The following ABCA4 variants were observed in gnomAD, a reference collection of about 807,000 sequenced individuals.
ABCA4 encodes ATP binding cassette subfamily A member 4, also known as retinal-specific phospholipid-transporting ATPase ABCA4.
Under a neutral mutation model 263.7 loss-of-function variants are expected in ABCA4, and 196 were observed. That is an observed-to-expected ratio of 0.74 (90% CI 0.66 to 0.84). The LOEUF (loss-of-function observed/expected upper bound fraction) is 0.84, where lower values mean the gene tolerates loss of function less well. ABCA4 is among the 40% of genes least tolerant of loss of function. ABCA4 has a pLI of 0.00. For missense variants in ABCA4, 2,792 were observed against 2,855.1 expected, an observed-to-expected ratio of 0.98 and a Z score of 0.50; for synonymous variants, 1,133 against 1,094.2, an observed-to-expected ratio of 1.04 and a Z score of -0.70.
At chr1:94,071,902 G>C (rs575115426) in intron 11 of ABCA4, among the ~76,000 whole-genome samples, 3 of 152,064 alleles carry the variant, frequency 2.0e-5, no homozygotes, top group Non-Finnish European at 4.4e-5. Context: ...TCTTTCTCAC[G>C]ATCCCCTGAT....
intron 11 of ABCA4, among the ~76,000 whole-genome samples, chr1:94,067,392 C>CT (rs1661296483): frequency 1.3e-5 from 2 of 152,182 alleles, no homozygotes; most frequent in African/African-American, 4.8e-5. Context: ...GGGCTCCATC[C>CT]TGGCTGGTTT....
intron 44 of ABCA4, among the ~76,000 whole-genome samples, chr1:94,002,724 A>T (rs1353898031): frequency 6.6e-6 from 1 of 152,118 alleles, no homozygotes. Flanking sequence ...TTCTTCATTC[A>T]GGTTCTCTCC....
chr1:94,030,415 C>A lies in ABCA4; in HGVS notation c.4352+13G>T. 6.2e-7 allele frequency: 1 copy of A among 1,613,492 alleles called. No homozygotes were observed. Among genetic ancestry groups the A allele is most frequent in the Middle Eastern group, 1.7e-4 (1 of 6,052 alleles). On this transcript the variant is annotated intron_variant, in intron 29 of 49. Transcript: ENST00000370225. ...AGCTAGTCTTCTTAGGACAGGGGCG[C>A]GTAGGCACTTACGGAAGCCACCCTT... is the stretch of plus-strand genomic sequence containing the variant.
chr1:93,997,244 A>G (rs1270235512), intron 48 of ABCA4, among the ~76,000 whole-genome samples: 1 of 152,130 alleles, frequency 6.6e-6, no homozygotes, highest in East Asian at 1.9e-4. Context: ...TGTACATTTA[A>G]AATAGGTGTT....
intron 14 of ABCA4, among the ~76,000 whole-genome samples, chr1:94,058,918 C>T (rs1043965837): frequency 6.6e-6 from 1 of 152,072 alleles, no homozygotes; most frequent in Non-Finnish European, 1.5e-5. Flanking sequence ...GAGGAAGAGA[C>T]AAGGGAAAGG....
chr1:94,056,571 G>A (rs766758982), intron 15 of ABCA4, 30 bp downstream of exon 15: 65 of 1,604,460 alleles, frequency 4.1e-5, no homozygotes, highest in Non-Finnish European at 4.9e-5. Flanking sequence ...GAAACGTGTT[G>A]TAGGACAGGG....
chr1:94,021,416 G>A lies in ABCA4; in HGVS notation c.4849-7C>T, dbSNP rs1196200347. Reference sequence around the variant, plus strand: ...CTTTGTTATTAAACCACACCTAGAGGGTGGAGAGGACATCTGAGACGCTGC... The same window carrying A: ...CTTTGTTATTAAACCACACCTAGAGAGTGGAGAGGACATCTGAGACGCTGC... On this transcript the variant is annotated splice_polypyrimidine_tract_variant and splice_region_variant and intron_variant, in intron 34 of 49. Transcript: ENST00000370225. 3 of 1,614,154 alleles carry A rather than the reference G, an allele frequency of 1.9e-6. No individual in the cohort carries two copies. The highest frequency in any genetic ancestry group is 1.1e-5 in the South Asian group (1 of 91,080).
Position 94,048,884 on chromosome 1 carries a change from G to A in ABCA4, c.2727C>T (p.His909=). The A allele has an allele frequency of 1.2e-6, 2 of 1,614,038 alleles. No individual in the cohort carries two copies. Among genetic ancestry groups the A allele is most frequent in the Non-Finnish European group, 1.7e-6 (2 of 1,179,992 alleles). ...PLTEETEDPE[H]PEGIHDSFFE... ...GGGTTTTACCGTGTATTCCTTCTGG[G>A]TGCTCTGGATCCTCCGTTTCCTCTG... The change falls in exon 18 of 50, where the codon CAC becomes CAT. Residue 909 remains histidine, a synonymous_variant. Transcript: ENST00000370225.
chr1:94,103,170 G>C (rs1446521596), intron 4 of ABCA4, 28 bp from the exon 5 acceptor site: 2 of 1,612,698 alleles, frequency 1.2e-6, no homozygotes, highest in East Asian at 4.5e-5. Context: ...AAAGAACAGG[G>C]TGTTGAAGGG....
At chr1:94,062,142 G>A (rs1570392557) in intron 13 of ABCA4, among the ~76,000 whole-genome samples, 1 of 152,096 alleles carries the variant, frequency 6.6e-6, no homozygotes, top group East Asian at 1.9e-4. Context: ...TGTTAGTTAG[G>A]GAAGGGGCTG....
chr1:94,085,697 G>A (rs981999530), intron 6 of ABCA4, among the ~76,000 whole-genome samples: 1 of 152,118 alleles, frequency 6.6e-6, no homozygotes, highest in Non-Finnish European at 1.5e-5. Flanking sequence ...TGACACACAT[G>A]ACCTCTGTGA....
intron 47 of ABCA4, among the ~76,000 whole-genome samples, chr1:93,998,573 T>C (rs1407482595): frequency 1.3e-5 from 2 of 152,068 alleles, no homozygotes; most frequent in Non-Finnish European, 2.9e-5. Context: ...CCTGTGTACA[T>C]ACTGAAAACT....
In ABCA4 at chr1:94,063,032, G is replaced by A; in HGVS notation, c.1760+80C>T. 5.2e-6 allele frequency: 7 copies of A among 1,354,574 alleles called. No homozygotes were observed. In the South Asian group the frequency reaches 5.9e-5, roughly 11 times the overall value. 83.9% of individuals were successfully genotyped at this position (1,354,574 alleles called of 1,614,324 possible). A position where few individuals can be genotyped will look rare whatever the true frequency, so the allele number is the denominator to read the frequency against. ...TTAATTTTATTGATTTATGAGTCCA[G>A]TCTCAATCCCTTTCTCTCTACCAAA... is the stretch of plus-strand genomic sequence containing the variant. On this transcript the variant is annotated intron_variant, in intron 12 of 49. Coordinates refer to ENST00000370225, the MANE Select transcript of ABCA4 (RefSeq NM_000350.3).
chr1:94,023,136 G>A (rs1571259265), intron 32 of ABCA4, among the ~76,000 whole-genome samples: 2 of 152,170 alleles, frequency 1.3e-5, no homozygotes, highest in Non-Finnish European at 1.5e-5. Flanking sequence ...TTTTTTGGGT[G>A]AGAATGCTCT....
intron 26 of ABCA4, among the ~76,000 whole-genome samples, chr1:94,036,319 G>A (rs1380633027): frequency 3.3e-5 from 5 of 150,620 alleles, no homozygotes; most frequent in African/African-American, 1.2e-4. Flanking sequence ...CTACTACTGG[G>A]GAGTCAGATA....
rs190802213 is a variant in ABCA4 at position 94,003,292 on chromosome 1, G to A, written c.6148-1300C>T. On this transcript the variant is annotated intron_variant, in intron 44 of 49. Coordinates refer to ENST00000370225, the MANE Select transcript of ABCA4 (RefSeq NM_000350.3). ...GCCTGTTTAGCCTCCTGCGATCAGAGATATTTCCATAGCTCTTTCTTTGTC... is the reference window on the plus strand; with the variant it reads ...GCCTGTTTAGCCTCCTGCGATCAGAAATATTTCCATAGCTCTTTCTTTGTC... Among the ~76,000 whole-genome samples, 4 of 151,098 alleles carry A rather than the reference G, an allele frequency of 2.6e-5. No homozygotes were observed. The East Asian group carries it at 7.8e-4, about 29-fold the overall frequency.
chr1:94,019,826 C>A, intron 35 of ABCA4, 67 bp from the exon 36 acceptor site: 2 of 1,547,606 alleles, frequency 1.3e-6, no homozygotes, highest in South Asian at 2.4e-5. Context: ...GGAGAAGATA[C>A]AAAGTCAGGC....
intron 3 of ABCA4, among the ~76,000 whole-genome samples, chr1:94,110,624 C>T (rs1177434564): frequency 6.6e-6 from 1 of 152,178 alleles, no homozygotes; most frequent in African/African-American, 2.4e-5. Flanking sequence ...GCCTCTGTCT[C>T]TAGAATATGC....
intron 43 of ABCA4, among the ~76,000 whole-genome samples, chr1:94,007,298 G>T (rs1165716094): frequency 6.9e-6 from 1 of 145,376 alleles, no homozygotes. Flanking sequence ...GGGAAGCAAT[G>T]GTGCATTTTT....
Sources: allele counts gnomAD v4.1 joint callset (sites outside exome capture counted in the v4.1 genomes callset), GRCh38; gene constraint gnomAD v4.1.1; transcripts MANE v1.5; gene names NCBI Gene and HGNC (gene_info 2026-07-23, HGNC 2026-07-21).